The following PPP2R2C variants were observed in gnomAD, a reference collection of about 807,000 sequenced individuals.
PPP2R2C encodes the protein protein phosphatase 2 regulatory subunit Bgamma.
Under a neutral mutation model 45.3 loss-of-function variants are expected in PPP2R2C, and 10 were observed. The observed-to-expected ratio is 0.22, with a 90% CI of 0.14 to 0.37. The LOEUF is 0.37. Among genes scored for constraint, PPP2R2C ranks in the 10% least tolerant of loss-of-function variants. The probability of loss-of-function intolerance (pLI) is 1.00; values close to 1 mark genes in which losing one functional copy is unlikely to be tolerated. For missense variants in PPP2R2C, 308 were observed against 619.7 expected (o/e 0.50, Z 5.34); for synonymous variants, 257 against 245.4 (o/e 1.05, Z -0.44).
chr4:6,413,834 A>G, intron 1 of PPP2R2C: 1 of 1,529,364 alleles, frequency 6.5e-7, no homozygotes, highest in Non-Finnish European at 8.8e-7. Context: ...CGGGGCTCCC[A>G]CTCAGGGCTG....
rs1560594116 is a variant in PPP2R2C, at chr4:6,511,633, GTGGTGT to G, written c.49+23632_49+23637del. On this transcript the variant is annotated intron_variant, in intron 2 of 9. Transcript: ENST00000506140. ...GGTGGTGGTGATGGTGGTGGTGGTG[GTGGTGT>G]TGATGGTGGTGGTGATGGTGGTGGT... 1.3e-3 allele frequency among the ~76,000 whole-genome samples: 107 copies of G among 80,670 alleles called. 9 individuals are homozygous for G. Among genetic ancestry groups the G allele is most frequent in the African/African-American group, 3.4e-3 (59 of 17,270 alleles). 52.9% of individuals were successfully genotyped at this position (80,670 alleles called of 152,430 possible).
At chr4:6,344,398 T>C (rs142549119) in intron 6 of PPP2R2C, among the ~76,000 whole-genome samples, 1 of 152,212 alleles carries the variant, frequency 6.6e-6, no homozygotes, top group Admixed American at 6.5e-5. Flanking sequence ...GAAATGGATG[T>C]GTCTGTGCTT....
intron 2 of PPP2R2C, among the ~76,000 whole-genome samples, chr4:6,507,570 C>G (rs1723281446): frequency 6.6e-6 from 1 of 152,202 alleles, no homozygotes; most frequent in Non-Finnish European, 1.5e-5. Context: ...AGCTGAGGCA[C>G]CTTGGATGAC....
chr4:6,536,164 A>G (rs1457604974), intron 1 of PPP2R2C, among the ~76,000 whole-genome samples: 1 of 152,210 alleles, frequency 6.6e-6, no homozygotes, highest in Non-Finnish European at 1.5e-5. Flanking sequence ...CTCAGCCTCA[A>G]GGTGAAGGAT....
chr4:6,321,438 G>A lies in PPP2R2C; in HGVS notation c.*1864C>T, dbSNP rs990631273. 1 of 152,406 alleles carries A rather than the reference G, an allele frequency of 6.6e-6. No homozygotes were observed. The highest frequency in any genetic ancestry group is 6.6e-5 in the Admixed American group (1 of 15,256). 9.4% of individuals were successfully genotyped at this position (152,406 alleles called of 1,614,324 possible). A position where few individuals can be genotyped will look rare whatever the true frequency, so the allele number is the denominator to read the frequency against. ...GATATGTACATATAATACTGTCCAG[G>A]TCAACTGGATTTTATAGTGATATAT... On this transcript the variant is annotated 3_prime_UTR_variant, in exon 9 of 9. Coordinates refer to ENST00000382599, the MANE Select transcript of PPP2R2C (RefSeq NM_020416.4).
chr4:6,345,939 C>A lies in PPP2R2C; in HGVS notation c.790+1907G>T, dbSNP rs1476045426. ...CCTACTCGACCCATTTCCTTGGAAC[C>A]CAATACGGGCCTCAGGCTCGCGGGT... On this transcript the variant is annotated intron_variant, in intron 6 of 8. Coordinates refer to ENST00000382599, the MANE Select transcript of PPP2R2C (RefSeq NM_020416.4). This position sits in a 1 kb window ranked among gnomAD's most constrained non-coding sequence, Gnocchi z 5.3. Among the ~76,000 whole-genome samples the A allele has an allele frequency of 6.6e-6, 1 of 152,162 alleles. No homozygotes were observed. Among genetic ancestry groups the A allele is most frequent in the Non-Finnish European group, 1.5e-5 (1 of 68,022 alleles).
chr4:6,506,777 C>T (rs1009820121), intron 2 of PPP2R2C, among the ~76,000 whole-genome samples: 2 of 152,186 alleles, frequency 1.3e-5, no homozygotes, highest in African/African-American at 4.8e-5. Context: ...GGGCTGCACT[C>T]ATCTGAAGGC....
Position 6,328,749 on chromosome 4 carries a change from G to A in PPP2R2C, c.1052+513C>T, listed in dbSNP as rs1331926283. On this transcript the variant is annotated intron_variant, in intron 8 of 8. Coordinates refer to ENST00000382599, the MANE Select transcript of PPP2R2C (RefSeq NM_020416.4). This position sits in a 1 kb window ranked among gnomAD's most constrained non-coding sequence, Gnocchi z 4.4. Reference sequence around the variant, plus strand: ...TGTGGATTGTGACAAGCCCTGGAGGGTGTAGGAGCTCCAAGGTGCCCCTGA... The same window carrying A: ...TGTGGATTGTGACAAGCCCTGGAGGATGTAGGAGCTCCAAGGTGCCCCTGA... 6.6e-6 allele frequency among the ~76,000 whole-genome samples: 1 copy of A among 152,210 alleles called. No homozygotes were observed. Among genetic ancestry groups the A allele is most frequent in the Admixed American group, 6.5e-5 (1 of 15,290 alleles).
chr4:6,506,946 G>A (rs565564672), intron 2 of PPP2R2C, among the ~76,000 whole-genome samples: 12 of 152,170 alleles, frequency 7.9e-5, no homozygotes, highest in Non-Finnish European at 1.0e-4. Context: ...AGCATCTTAA[G>A]AGCAAACTCA....
chr4:6,521,835 CA>C (rs1441682050), intron 2 of PPP2R2C, among the ~76,000 whole-genome samples: 2 of 152,196 alleles, frequency 1.3e-5, no homozygotes, highest in Non-Finnish European at 2.9e-5. Flanking sequence ...CCTCATATTA[CA>C]AATGAGGAAA....
intron 1 of PPP2R2C, among the ~76,000 whole-genome samples, chr4:6,445,006 G>A (rs1444944896): frequency 1.3e-5 from 2 of 151,960 alleles, no homozygotes; most frequent in African/African-American, 2.4e-5. Flanking sequence ...GCAACATGGT[G>A]AGACCCCAAC....
chr4:6,379,582 G>C, intron 2 of PPP2R2C, among the ~76,000 whole-genome samples: 1 of 152,320 alleles, frequency 6.6e-6, no homozygotes, highest in South Asian at 2.1e-4. Context: ...GAAGAAAATC[G>C]CATCAACCAA....
At chr4:6,383,535 C>G in intron 1 of PPP2R2C, 1 of 836,818 alleles carries the variant, frequency 1.2e-6, no homozygotes, top group Non-Finnish European at 1.7e-6. Flanking sequence ...CAGTGGCTTT[C>G]CCTGGGTACC....
chr4:6,474,427 C>T (rs116655412), upstream of PPP2R2C, among the ~76,000 whole-genome samples: 867 of 152,262 alleles, frequency 5.7e-3, 7 homozygotes, highest in African/African-American at 0.02. Flanking sequence ...CTCCTGGGAG[C>T]TCTCTTGTTA....
chr4:6,389,586 C>T (rs1364892893), intron 1 of PPP2R2C, among the ~76,000 whole-genome samples: 2 of 152,166 alleles, frequency 1.3e-5, no homozygotes, highest in East Asian at 1.9e-4. Flanking sequence ...TACCCAGCAG[C>T]GGGCTGACAC....
At position 6,511,478 on chromosome 4, in the gene PPP2R2C, TGGC is replaced by T. The variant is rs202070156; in HGVS notation, c.49+23790_49+23792del. On this transcript the variant is annotated intron_variant, in intron 2 of 9. Coordinates refer to the PPP2R2C transcript ENST00000506140. ...GTGATGATGACGGTGGTGGTGGTGA[TGGC>T]GGTGTTGGTGGTGATGGCGGTGATG... 7.5e-4 allele frequency among the ~76,000 whole-genome samples: 94 copies of T among 125,056 alleles called. 1 individual carries two copies. Among genetic ancestry groups the T allele is most frequent in the African/African-American group, 1.7e-3 (53 of 31,542 alleles). The allele number at this position is 125,056 out of a possible 152,430, so 82.0% of individuals were successfully genotyped here.
Position 6,328,695 on chromosome 4 carries a change from G to C in PPP2R2C, c.1052+567C>G, listed in dbSNP as rs984448247. Among the ~76,000 whole-genome samples the C allele has an allele frequency of 3.9e-5, 6 of 152,210 alleles. No homozygotes were observed. The highest frequency in any genetic ancestry group is 5.9e-5 in the Non-Finnish European group (4 of 68,038). ...TCTGGCACTGGGGCGCCACTTTCCAGGCAGGTGGGGTTGAGAGACGGCTGG... is the reference window on the plus strand; with the variant it reads ...TCTGGCACTGGGGCGCCACTTTCCACGCAGGTGGGGTTGAGAGACGGCTGG... On this transcript the variant is annotated intron_variant, in intron 8 of 8. Transcript: ENST00000382599. The surrounding 1 kb of genome is among the most constrained non-coding windows in gnomAD (Gnocchi z 4.4).
chr4:6,420,007 G>A (rs775203746), intron 1 of PPP2R2C, among the ~76,000 whole-genome samples: 1 of 152,162 alleles, frequency 6.6e-6, no homozygotes, highest in African/African-American at 2.4e-5. Context: ...GTTCCAAGTG[G>A]ACATTATTCT....
intron 1 of PPP2R2C, among the ~76,000 whole-genome samples, chr4:6,466,668 G>A (rs956819378): frequency 1.5e-4 from 23 of 152,034 alleles, no homozygotes; most frequent in African/African-American, 3.4e-4. Context: ...TTCATACAGC[G>A]GCTCTTCCAG....
Sources: allele counts gnomAD v4.1 joint callset (sites outside exome capture counted in the v4.1 genomes callset), GRCh38; gene constraint gnomAD v4.1.1; non-coding constraint Gnocchi (gnomAD v3.1); transcripts MANE v1.5; gene names NCBI Gene and HGNC (gene_info 2026-07-23, HGNC 2026-07-21).